Variants in DPP6 observed in about 807,000 individuals in gnomAD.
DPP6 encodes dipeptidyl peptidase like 6, also known as A-type potassium channel modulatory protein DPP6.
In DPP6, 69 loss-of-function variants were observed where a neutral mutation model predicts 122.6. The observed-to-expected ratio is 0.56, with a 90% confidence interval of 0.46 to 0.69. The LOEUF is 0.69. Ranked by LOEUF, DPP6 falls within the 30% of genes least tolerant of loss-of-function variation. The probability of loss-of-function intolerance (pLI) is 0.00; values close to 1 mark genes in which losing one functional copy is unlikely to be tolerated. For missense variants in DPP6, 928 were observed against 1,116.9 expected (o/e 0.83, Z 2.41); for synonymous variants, 418 against 433.1 (o/e 0.97, Z 0.43).
intron 18 of DPP6, among the ~76,000 whole-genome samples, 160 bp downstream of exon 18, chr7:154,868,253 C>T (rs192977780): frequency 4.6e-5 from 7 of 152,302 alleles, no homozygotes; most frequent in Admixed American, 4.6e-4. Flanking sequence ...GTCTTGTGTT[C>T]AGAACCAAGA....
chr7:153,769,171 G>T, the DPP6 span, among the ~76,000 whole-genome samples: 1 of 152,132 alleles, frequency 6.6e-6, no homozygotes, highest in African/African-American at 2.4e-5. Context: ...AGTTTTTGCT[G>T]ATTTTGTACA....
chr7:153,982,367 T>TTC (rs1403329647), intron 1 of DPP6, among the ~76,000 whole-genome samples: 1 of 151,936 alleles, frequency 6.6e-6, no homozygotes, highest in Admixed American at 6.6e-5. Context: ...CTTCACAAAG[T>TTC]TCTTGTGCTG....
At chr7:154,668,007 T>C (rs139411033) in intron 6 of DPP6, among the ~76,000 whole-genome samples, 1 of 151,160 alleles carries the variant, frequency 6.6e-6, no homozygotes, top group Non-Finnish European at 1.5e-5. Context: ...GGTAGTTTTA[T>C]TCAGCCGTTG....
intron 10 of DPP6, among the ~76,000 whole-genome samples, chr7:154,788,471 C>T (rs1797472692): frequency 1.3e-5 from 2 of 151,320 alleles, no homozygotes; most frequent in Non-Finnish European, 2.9e-5. Flanking sequence ...AGAAGATACA[C>T]TTTAATACAA....
upstream of DPP6, among the ~76,000 whole-genome samples, chr7:153,886,017 A>T (rs1317845565): frequency 6.6e-6 from 1 of 151,700 alleles, no homozygotes; most frequent in Non-Finnish European, 1.5e-5. Context: ...ACAAACGGAG[A>T]TTTTTTTGTG....
At chr7:154,690,690 C>A (rs1267251413) in intron 7 of DPP6, among the ~76,000 whole-genome samples, 1 of 152,160 alleles carries the variant, frequency 6.6e-6, no homozygotes, top group Non-Finnish European at 1.5e-5. Flanking sequence ...CCTGGACACA[C>A]CCTACAGAAA....
At chr7:154,777,731 C>T (rs991335531) in intron 10 of DPP6, among the ~76,000 whole-genome samples, 6 of 152,214 alleles carry the variant, frequency 3.9e-5, no homozygotes, top group African/African-American at 1.4e-4. Context: ...TGCAGCGCAG[C>T]TGCTCTTCTC....
At chr7:154,329,177 C>G (rs952227254) in intron 1 of DPP6, among the ~76,000 whole-genome samples, 3 of 152,166 alleles carry the variant, frequency 2.0e-5, no homozygotes, top group Non-Finnish European at 4.4e-5. Context: ...CTCCGGTGTA[C>G]ACATTTATTT....
intron 1 of DPP6, among the ~76,000 whole-genome samples, chr7:153,922,137 A>G (rs1211605192): frequency 1.3e-5 from 2 of 152,246 alleles, no homozygotes; most frequent in Admixed American, 6.5e-5. Context: ...CTCGATGGCA[A>G]GGTAGAAACA....
chr7:153,866,135 C>T, the DPP6 span, among the ~76,000 whole-genome samples: 28 of 152,190 alleles, frequency 1.8e-4, 1 homozygote, highest in South Asian at 4.4e-3. Context: ...GTCTTTATAG[C>T]AGCATGATTT....
chr7:153,901,140 T>G (rs934132368), intron 1 of DPP6, among the ~76,000 whole-genome samples: 2 of 152,118 alleles, frequency 1.3e-5, no homozygotes, highest in African/African-American at 4.8e-5. Context: ...TATATATATA[T>G]AAAGGAGATA....
intron 1 of DPP6, among the ~76,000 whole-genome samples, chr7:154,117,777 T>C (rs946181402): frequency 4.0e-5 from 6 of 151,374 alleles, no homozygotes; most frequent in Admixed American, 1.3e-4. Flanking sequence ...CTGGATAGGA[T>C]GTAGGAGATG....
intron 3 of DPP6, among the ~76,000 whole-genome samples, chr7:154,482,335 G>A (rs1479101749): frequency 2.0e-5 from 3 of 152,166 alleles, no homozygotes; most frequent in Non-Finnish European, 4.4e-5. Context: ...TAGAGAAGCT[G>A]AGAAGTTGGG....
chr7:154,137,650 T>TGGGGGGGGGGGGG (rs1419049474), intron 1 of DPP6, among the ~76,000 whole-genome samples: 1 of 10,064 alleles, frequency 9.9e-5, no homozygotes, highest in African/African-American at 3.7e-4. Context: ...GTGGGGGGGG[T>TGGGGGGGGGGGGG]GGGGGGGTGG....
chr7:154,808,302 G>A (rs138786165), intron 16 of DPP6, among the ~76,000 whole-genome samples: 152 of 152,254 alleles, frequency 1.0e-3, no homozygotes, highest in Non-Finnish European at 1.6e-3. Context: ...TTGAAAATCC[G>A]CAGAACAGGG....
intron 1 of DPP6, among the ~76,000 whole-genome samples, chr7:154,346,017 C>T (rs532608052): frequency 9.2e-5 from 14 of 152,266 alleles, no homozygotes; most frequent in Middle Eastern, 3.4e-3. Context: ...CTTTCTGTTA[C>T]GTATCAGCAA....
Position 154,444,878 on chromosome 7 carries a change from G to A in DPP6, c.244-1336G>A, listed in dbSNP as rs528440974. Among the ~76,000 whole-genome samples, 54 of 152,268 alleles carry A rather than the reference G, an allele frequency of 3.5e-4. No individual in the cohort carries two copies. The South Asian group carries it at 9.5e-3, about 27-fold the overall frequency. ...TTTCTGTAGCTGTTTTGTTGCTCAC[G>A]GATAGTCTTACTTTTTAAGTTCTAA... On this transcript the variant is annotated intron_variant, in intron 1 of 25. Transcript: ENST00000377770.
At chr7:154,699,118 C>T (rs1840375302) in intron 7 of DPP6, among the ~76,000 whole-genome samples, 1 of 152,160 alleles carries the variant, frequency 6.6e-6, no homozygotes, top group African/African-American at 2.4e-5. Flanking sequence ...CTTCACTGAA[C>T]CCTGAAACTG....
chr7:154,421,277 G>A (rs555572477), intron 1 of DPP6, among the ~76,000 whole-genome samples: 1 of 151,708 alleles, frequency 6.6e-6, no homozygotes, highest in Non-Finnish European at 1.5e-5. Context: ...GCCCTTGTAA[G>A]CTATGTGATT....
Sources: allele counts gnomAD v4.1 joint callset (sites outside exome capture counted in the v4.1 genomes callset), GRCh38; gene constraint gnomAD v4.1.1; transcripts MANE v1.5; gene names NCBI Gene and HGNC (gene_info 2026-07-23, HGNC 2026-07-21).